Variants in ZBTB20 observed in about 807,000 individuals in gnomAD.
ZBTB20 encodes zinc finger and BTB domain containing 20.
A neutral mutation model predicts 56.9 loss-of-function variants in ZBTB20; 9 were observed. That is an observed-to-expected ratio of 0.16 (90% confidence interval 0.10 to 0.28). The LOEUF (loss-of-function observed/expected upper bound fraction) is 0.28. Ranked by LOEUF, ZBTB20 falls within the 10% of genes least tolerant of loss-of-function variation. The pLI is 1.00. For missense variants in ZBTB20, 655 were observed against 1,003.0 expected, an observed-to-expected ratio of 0.65 and a Z score of 4.69; for synonymous variants, 417 against 420.7, an observed-to-expected ratio of 0.99 and a Z score of 0.11.
At chr3:114,841,488 C>G (rs777956521) in intron 4 of ZBTB20, among the ~76,000 whole-genome samples, 1 of 152,120 alleles carries the variant, frequency 6.6e-6, no homozygotes. Context: ...AGTCAGAATA[C>G]TGTTGCAATA....
At chr3:114,903,331 C>A (rs1386154793) in intron 3 of ZBTB20, among the ~76,000 whole-genome samples, 3 of 151,976 alleles carry the variant, frequency 2.0e-5, no homozygotes. Context: ...CAGTGCCAGC[C>A]ATGAGGTAAG....
intron 6 of ZBTB20, among the ~76,000 whole-genome samples, chr3:114,595,788 T>C (rs1011218393): frequency 6.6e-6 from 1 of 152,214 alleles, no homozygotes; most frequent in East Asian, 1.9e-4. Context: ...ATATTCCTGA[T>C]GTATTCTTGT....
intron 10 of ZBTB20, among the ~76,000 whole-genome samples, chr3:114,359,105 A>G (rs2081541672): frequency 6.6e-6 from 1 of 152,134 alleles, no homozygotes; most frequent in African/African-American, 2.4e-5. Flanking sequence ...AGTTATATAG[A>G]AATACATTTC....
chr3:114,350,834 G>A lies in ZBTB20; in HGVS notation c.1244C>T (p.Ala415Val). ...TGTCTGCGGACCACCCTCAGCGGGG[G>A]CTTCTGCAGCCTGCTCGGGTTGGGT... is the stretch of plus-strand genomic sequence containing the variant. ...EPTQPEQAAE[A>V]PAEGGPQTNQ... Residue 415 changes from alanine (A) to valine (V), a missense_variant, in exon 11 of 12, where the codon GCC becomes GTC. Ala to Val is a moderately conservative substitution (Grantham distance 64, BLOSUM62 0). Transcript: ENST00000675478. 6.2e-7 allele frequency: 1 copy of A among 1,612,786 alleles called. No homozygotes were observed. Among genetic ancestry groups the A allele is most frequent in the Non-Finnish European group, 8.5e-7 (1 of 1,180,010 alleles).
intron 1 of ZBTB20, among the ~76,000 whole-genome samples, chr3:115,146,376 C>CGGG (rs144727550): frequency 7.4e-6 from 1 of 135,756 alleles, no homozygotes; most frequent in East Asian, 2.2e-4. Context: ...CAGCTGGGGG[C>CGGG]GGGGGGTGGG....
At chr3:114,829,453 C>T (rs78071139) in intron 4 of ZBTB20, among the ~76,000 whole-genome samples, 1 of 151,810 alleles carries the variant, frequency 6.6e-6, no homozygotes, top group African/African-American at 2.4e-5. Context: ...ATATTAATCT[C>T]TGTATCACAG....
At chr3:114,813,454 A>G (rs950999105) in intron 4 of ZBTB20, among the ~76,000 whole-genome samples, 1 of 152,174 alleles carries the variant, frequency 6.6e-6, no homozygotes. Flanking sequence ...CTATTAATTA[A>G]CAATAAAAAA....
chr3:114,684,874 TA>T (rs201031687), intron 6 of ZBTB20, among the ~76,000 whole-genome samples: 1 of 151,860 alleles, frequency 6.6e-6, no homozygotes, highest in East Asian at 1.9e-4. Context: ...GGCAGGCCTT[TA>T]AAAAAAAGTC....
intron 6 of ZBTB20, among the ~76,000 whole-genome samples, chr3:114,586,302 C>G (rs1439505853): frequency 2.0e-5 from 3 of 152,154 alleles, no homozygotes; most frequent in African/African-American, 7.2e-5. Context: ...CAAAAATTTC[C>G]CATCTAGTTT....
chr3:114,531,024 C>T (rs975904755), intron 6 of ZBTB20, among the ~76,000 whole-genome samples: 2 of 152,154 alleles, frequency 1.3e-5, no homozygotes, highest in African/African-American at 4.8e-5. Flanking sequence ...GCTTTACCTA[C>T]TACTTCCTCA....
At chr3:114,535,006 T>C (rs965011508) in intron 6 of ZBTB20, among the ~76,000 whole-genome samples, 5 of 152,112 alleles carry the variant, frequency 3.3e-5, no homozygotes, top group African/African-American at 4.8e-5. Context: ...TAGAGGGAAA[T>C]TTATAGCACT....
intron 1 of ZBTB20, among the ~76,000 whole-genome samples, chr3:115,122,135 A>T (rs1485821525): frequency 6.6e-6 from 1 of 152,056 alleles, no homozygotes; most frequent in East Asian, 1.9e-4. Context: ...AATTATCTTG[A>T]TCGAAAAGAA....
chr3:114,477,462 T>C (rs1452148643), intron 7 of ZBTB20, among the ~76,000 whole-genome samples: 2 of 151,434 alleles, frequency 1.3e-5, no homozygotes, highest in African/African-American at 4.9e-5. Context: ...ATCTCTAAGC[T>C]ACTGAAAATG....
intron 6 of ZBTB20, among the ~76,000 whole-genome samples, chr3:114,575,931 A>G (rs1424053913): frequency 6.6e-6 from 1 of 152,226 alleles, no homozygotes; most frequent in Non-Finnish European, 1.5e-5. Context: ...AATTGACAGA[A>G]AAGGTATTTA....
intron 5 of ZBTB20, among the ~76,000 whole-genome samples, chr3:114,734,043 A>G (rs2108556156): frequency 6.6e-6 from 1 of 152,266 alleles, no homozygotes; most frequent in Admixed American, 6.5e-5. Context: ...TACCTAATAG[A>G]GGATCAGAAA....
chr3:114,788,984 G>A (rs2070754222), intron 5 of ZBTB20, among the ~76,000 whole-genome samples: 1 of 152,086 alleles, frequency 6.6e-6, no homozygotes, highest in Admixed American at 6.6e-5. Context: ...AACCGCCCCT[G>A]TGATTCAAGT....
intron 3 of ZBTB20, among the ~76,000 whole-genome samples, chr3:114,925,817 T>C (rs947933427): frequency 1.8e-4 from 27 of 152,154 alleles, no homozygotes; most frequent in African/African-American, 4.3e-4. Flanking sequence ...TGAGCCACTG[T>C]GCCTGGCCAA....
intron 5 of ZBTB20, among the ~76,000 whole-genome samples, chr3:114,704,731 A>G (rs1446945474): frequency 1.3e-5 from 2 of 152,266 alleles, no homozygotes; most frequent in East Asian, 1.9e-4. Context: ...CGCAATGAGG[A>G]GTCTGAGATA....
At chr3:114,917,787 C>T (rs1560396837) in intron 3 of ZBTB20, among the ~76,000 whole-genome samples, 1 of 152,140 alleles carries the variant, frequency 6.6e-6, no homozygotes, top group East Asian at 1.9e-4. Context: ...AATACAAGTT[C>T]CCCTGTGGCC....
Sources: gnomAD v4.1 joint callset for allele counts (sites outside exome capture counted in the v4.1 genomes callset) on GRCh38, gnomAD v4.1.1 for gene constraint, MANE v1.5 for transcripts, NCBI Gene and HGNC (gene_info 2026-07-23, HGNC 2026-07-21) for gene names.